Variants in RXFP1 observed in about 807,000 individuals in gnomAD.
The protein encoded by RXFP1 is relaxin receptor 1.
A neutral mutation model predicts 89.8 loss-of-function variants in RXFP1; 73 were observed. The ratio of observed to expected loss-of-function variants is 0.81; its 90% CI spans 0.67 to 0.99. The LOEUF (loss-of-function observed/expected upper bound fraction) is 0.99, where lower values mean the gene tolerates loss of function less well. Among genes scored for constraint, RXFP1 ranks in the 50% least tolerant of loss-of-function variants. The probability of loss-of-function intolerance (pLI) is 0.00; values close to 1 mark genes in which losing one functional copy is unlikely to be tolerated. For missense variants in RXFP1, 793 were observed against 895.5 expected (o/e 0.89, Z 1.46); for synonymous variants, 277 against 305.5 (o/e 0.91, Z 0.97).
In RXFP1 at chr4:158,542,079, C is replaced by CCATATATATATATATATATATATATA. The variant is rs56378897; in HGVS notation, c.49+20054_49+20055insCATATATATATATATATATATATATA. 1.3e-4 allele frequency among the ~76,000 whole-genome samples: 4 copies of CCATATATATATATATATATATATATA among 29,828 alleles called. 1 individual carries two copies. The highest frequency in any genetic ancestry group is 6.7e-4 in the Admixed American group (1 of 1,500). 19.6% of individuals were successfully genotyped at this position (29,828 alleles called of 152,430 possible). A position where few individuals can be genotyped will look rare whatever the true frequency, so the allele number is the denominator to read the frequency against. ...GGACTACAGGCAGGCGCCACCATGGCTATATATATATATATATATATATAT... is the reference window on the plus strand; with the variant it reads ...GGACTACAGGCAGGCGCCACCATGGCCATATATATATATATATATATATATATATATATATATATATATATATATAT... On this transcript the variant is annotated intron_variant, in intron 1 of 17. Coordinates refer to ENST00000307765, the MANE Select transcript of RXFP1 (RefSeq NM_021634.4).
intron 6 of RXFP1, chr4:158,610,648 G>T (rs1763405229): frequency 7.8e-7 from 1 of 1,286,294 alleles, no homozygotes; most frequent in Admixed American, 2.3e-5. Flanking sequence ...GAGCAGTAAA[G>T]GATGGCTCTG....
chr4:158,580,276 T>C (rs1757085477), intron 2 of RXFP1, among the ~76,000 whole-genome samples: 1 of 152,140 alleles, frequency 6.6e-6, no homozygotes, highest in African/African-American at 2.4e-5. Flanking sequence ...TAGGTCTGGA[T>C]TGGTTAGTTT....
intron 1 of RXFP1, among the ~76,000 whole-genome samples, chr4:158,537,099 T>C (rs12499002): frequency 0.74 from 111,835 of 151,622 alleles, 44,401 homozygotes; most frequent in East Asian, 0.98. Flanking sequence ...ACTAGAAAAA[T>C]AGGTTTGTTC....
At chr4:158,568,185 A>T (rs888930382) in intron 1 of RXFP1, among the ~76,000 whole-genome samples, 5 of 152,030 alleles carry the variant, frequency 3.3e-5, no homozygotes. Context: ...GAACATCAGA[A>T]CTCTAGACTC....
chr4:158,572,904 C>T (rs72693360), intron 2 of RXFP1, 69 bp downstream of exon 2: 20,382 of 1,563,266 alleles, frequency 0.013, 166 homozygotes, highest in Non-Finnish European at 0.015. Context: ...GTCGCTGAGA[C>T]TTCTCTCAAC....
intron 10 of RXFP1, 139 bp downstream of exon 10, chr4:158,627,030 G>A (rs1766992197): frequency 1.1e-5 from 5 of 459,026 alleles, no homozygotes; most frequent in Non-Finnish European, 1.9e-5. Flanking sequence ...ACACTAAATT[G>A]AAGTCTTAGC....
intron 1 of RXFP1, among the ~76,000 whole-genome samples, chr4:158,554,278 GT>G (rs554772817): frequency 1.2e-3 from 185 of 151,570 alleles, no homozygotes; most frequent in Middle Eastern, 6.8e-3. Flanking sequence ...TAACGTCAGA[GT>G]TTTTTTTTAT....
chr4:158,593,597 C>G, intron 3 of RXFP1, 98 bp downstream of exon 3: 1 of 627,064 alleles, frequency 1.6e-6, no homozygotes, highest in Non-Finnish European at 2.6e-6. Context: ...GCATCTCAAT[C>G]TGGAAATCAG....
intron 9 of RXFP1, among the ~76,000 whole-genome samples, chr4:158,622,732 G>C (rs1477383684): frequency 6.6e-6 from 1 of 152,164 alleles, no homozygotes; most frequent in Non-Finnish European, 1.5e-5. Context: ...GGAGATGTAG[G>C]TTCAAGGGTA....
At chr4:158,605,213 T>C (rs1762351069) in intron 5 of RXFP1, 74 bp downstream of exon 5, 3 of 811,296 alleles carry the variant, frequency 3.7e-6, no homozygotes, top group South Asian at 3.3e-5. Context: ...CCTACTTCTG[T>C]GAACACCAAC....
chr4:158,571,852 C>G (rs1487329587), intron 1 of RXFP1, among the ~76,000 whole-genome samples: 5 of 152,170 alleles, frequency 3.3e-5, no homozygotes, highest in African/African-American at 1.2e-4. Flanking sequence ...AAGCCAGATA[C>G]ATTCAATGTG....
chr4:158,606,846 C>T (rs908090785), intron 5 of RXFP1, among the ~76,000 whole-genome samples: 1 of 151,696 alleles, frequency 6.6e-6, no homozygotes. Flanking sequence ...TCCCAAAGCT[C>T]TGCAATTATG....
chr4:158,601,192 G>A (rs1012165920), intron 4 of RXFP1, among the ~76,000 whole-genome samples: 1 of 151,978 alleles, frequency 6.6e-6, no homozygotes, highest in Non-Finnish European at 1.5e-5. Flanking sequence ...GCAGAAAGCT[G>A]TGACCTACCA....
chr4:158,568,216 A>G (rs1358332437), intron 1 of RXFP1, among the ~76,000 whole-genome samples: 1 of 152,238 alleles, frequency 6.6e-6, no homozygotes, highest in African/African-American at 2.4e-5. Flanking sequence ...AGAACTGTTA[A>G]CACTCAACGC....
chr4:158,541,510 G>C (rs903072366), intron 1 of RXFP1, among the ~76,000 whole-genome samples: 2 of 151,980 alleles, frequency 1.3e-5, no homozygotes, highest in Non-Finnish European at 2.9e-5. Context: ...TCAGCTCCAA[G>C]TTTAAAATAT....
chr4:158,544,035 C>T (rs915265789), intron 1 of RXFP1: 27 of 985,008 alleles, frequency 2.7e-5, no homozygotes, highest in African/African-American at 3.5e-5. Context: ...CCCATGAGAT[C>T]GGATCAATTC....
chr4:158,643,385 C>T (rs1190308164), intron 14 of RXFP1, among the ~76,000 whole-genome samples: 1 of 151,674 alleles, frequency 6.6e-6, no homozygotes, highest in Non-Finnish European at 1.5e-5. Flanking sequence ...CTGCAATAAA[C>T]ATGGGGGTGC....
At chr4:158,642,166 T>C (rs148737337) in intron 14 of RXFP1, among the ~76,000 whole-genome samples, 21 of 152,332 alleles carry the variant, frequency 1.4e-4, no homozygotes, top group African/African-American at 4.8e-4. Flanking sequence ...TTTTTATTAA[T>C]TGACAAATAA....
chr4:158,542,107 A>ATTTT (rs1438929204), intron 1 of RXFP1, among the ~76,000 whole-genome samples: 774 of 28,152 alleles, frequency 0.027, 19 homozygotes, highest in African/African-American at 0.096. Context: ...ATATATATAT[A>ATTTT]TATTTTTTTT....
Sources: allele counts gnomAD v4.1 joint callset (sites outside exome capture counted in the v4.1 genomes callset), GRCh38; gene constraint gnomAD v4.1.1; transcripts MANE v1.5; gene names NCBI Gene and HGNC (gene_info 2026-07-23, HGNC 2026-07-21).